The following TLK1 variants were observed in gnomAD, a reference collection of about 807,000 sequenced individuals.
TLK1 encodes serine/threonine-protein kinase tousled-like 1.
Under a neutral mutation model 105.3 loss-of-function variants are expected in TLK1, and 24 were observed. The observed-to-expected ratio is 0.23, with a 90% CI of 0.17 to 0.32. TLK1 has a LOEUF of 0.32. TLK1 is among the 10% of genes least tolerant of loss of function. The pLI is 1.00. For missense variants in TLK1, 558 were observed against 910.5 expected (o/e 0.61, Z 4.98); for synonymous variants, 321 against 310.4 (o/e 1.03, Z -0.36).
chr2:171,020,341 A>C (rs899931048), intron 12 of TLK1, among the ~76,000 whole-genome samples: 3 of 151,946 alleles, frequency 2.0e-5, no homozygotes, highest in African/African-American at 7.3e-5. Context: ...GGAGTTTGAG[A>C]CCAGCCTGGC....
At chr2:171,013,732 G>T (rs1228329258) in intron 13 of TLK1, among the ~76,000 whole-genome samples, 1 of 152,134 alleles carries the variant, frequency 6.6e-6, no homozygotes, top group Admixed American at 6.5e-5. Context: ...ACCTTTCTAA[G>T]CAAGATTTTC....
intron 2 of TLK1, among the ~76,000 whole-genome samples, chr2:171,111,323 A>G (rs1575602875): frequency 6.6e-6 from 1 of 152,224 alleles, no homozygotes; most frequent in East Asian, 1.9e-4. Context: ...CTGTAATTCC[A>G]TCACTTTGGG....
intron 19 of TLK1, 51 bp downstream of exon 19, chr2:170,997,661 T>C (rs1036620983): frequency 2.7e-5 from 34 of 1,244,760 alleles, no homozygotes; most frequent in Non-Finnish European, 3.7e-5. Flanking sequence ...GAAGGAAAAA[T>C]TCAACTTAAT....
At position 171,140,546 on chromosome 2, in the gene TLK1, T is replaced by C. The variant is rs1460688434; in HGVS notation, c.139+19744A>G. Among the ~76,000 whole-genome samples, 3 of 152,264 alleles carry C rather than the reference T, an allele frequency of 2.0e-5. No homozygotes were observed. The East Asian group carries it at 5.8e-4, about 29-fold the overall frequency. The stretch of plus-strand genomic sequence containing the variant: ...CCCTGAGCCTCCCCCAAACTCTGGG[T>C]TGGGATCTCAACCTCAGAGCAAAAG... On this transcript the variant is annotated intron_variant, in intron 1 of 20. Transcript: ENST00000431350.
chr2:171,223,981 T>G (rs1197104132), intron 1 of TLK1, among the ~76,000 whole-genome samples: 1 of 152,314 alleles, frequency 6.6e-6, no homozygotes, highest in Admixed American at 6.5e-5. Flanking sequence ...TATTTTTGCT[T>G]TTGTTGCCTG....
chr2:171,228,579 A>G (rs1461438362), intron 1 of TLK1, among the ~76,000 whole-genome samples: 1 of 152,246 alleles, frequency 6.6e-6, no homozygotes, highest in African/African-American at 2.4e-5. Context: ...AATAATATTT[A>G]GAACTCTTTT....
intron 12 of TLK1, among the ~76,000 whole-genome samples, chr2:171,028,031 C>T (rs187880378): frequency 3.9e-5 from 6 of 152,160 alleles, no homozygotes; most frequent in African/African-American, 9.6e-5. Context: ...GATGTGGTGG[C>T]GCATGCCTGT....
intron 3 of TLK1, among the ~76,000 whole-genome samples, chr2:171,065,541 CTTT>C (rs34975890): frequency 7.8e-5 from 11 of 140,292 alleles, no homozygotes; most frequent in Non-Finnish European, 7.9e-5. Flanking sequence ...GCTATTCTTT[CTTT>C]TTTTTTTTTT....
intron 2 of TLK1, among the ~76,000 whole-genome samples, chr2:171,100,721 G>C (rs1402415534): frequency 6.6e-6 from 1 of 152,196 alleles, no homozygotes; most frequent in Non-Finnish European, 1.5e-5. Flanking sequence ...TGCATTGCTG[G>C]TAGGAATATA....
At chr2:171,166,779 C>A (rs1692617372) in intron 1 of TLK1, among the ~76,000 whole-genome samples, 1 of 152,164 alleles carries the variant, frequency 6.6e-6, no homozygotes, top group Non-Finnish European at 1.5e-5. Flanking sequence ...ACAAGAATGT[C>A]CGCGGCACTA....
chr2:171,000,228 A>T (rs1049361985), intron 18 of TLK1, among the ~76,000 whole-genome samples: 3 of 152,024 alleles, frequency 2.0e-5, no homozygotes, highest in African/African-American at 7.3e-5. Flanking sequence ...ATACAAAAAA[A>T]TTAGCCAGGC....
chr2:171,207,473 A>C (rs2105323459), intron 1 of TLK1, among the ~76,000 whole-genome samples: 1 of 152,344 alleles, frequency 6.6e-6, no homozygotes, highest in East Asian at 1.9e-4. Context: ...TCAAACCCAT[A>C]GAATGTACAA....
chr2:171,027,309 T>C (rs1437161576), intron 12 of TLK1, among the ~76,000 whole-genome samples: 7 of 152,036 alleles, frequency 4.6e-5, no homozygotes, highest in Admixed American at 3.9e-4. Context: ...GCACAAAAAA[T>C]TGGGTCAAAG....
At chr2:171,208,887 T>G (rs1267229886) in intron 1 of TLK1, among the ~76,000 whole-genome samples, 1 of 152,224 alleles carries the variant, frequency 6.6e-6, no homozygotes, top group Non-Finnish European at 1.5e-5. Flanking sequence ...TTCTAGGAAT[T>G]TATCTTAGCA....
At chr2:171,077,069 G>A (rs921402057) in intron 3 of TLK1, among the ~76,000 whole-genome samples, 7 of 152,100 alleles carry the variant, frequency 4.6e-5, no homozygotes, top group African/African-American at 1.7e-4. Flanking sequence ...TTAAATAAAG[G>A]ATGAGTGGCC....
chr2:171,087,353 C>G (rs187603387), intron 2 of TLK1, among the ~76,000 whole-genome samples: 95 of 152,174 alleles, frequency 6.2e-4, no homozygotes, highest in Non-Finnish European at 1.9e-4. Flanking sequence ...AAATTTCACT[C>G]TCTAAAATAG....
intron 1 of TLK1, among the ~76,000 whole-genome samples, chr2:171,120,450 A>G (rs1232527898): frequency 1.3e-5 from 2 of 151,244 alleles, no homozygotes; most frequent in Non-Finnish European, 2.9e-5. Context: ...ACTCAATAAC[A>G]AAAAAAACCC....
chr2:171,173,209 C>T (rs1321831749), intron 1 of TLK1, among the ~76,000 whole-genome samples: 2 of 152,308 alleles, frequency 1.3e-5, no homozygotes, highest in African/African-American at 2.4e-5. Flanking sequence ...AACTTGTATG[C>T]TCACTATTAT....
chr2:171,055,173 CT>C lies in TLK1; in HGVS notation c.550-2del. ...TAGGAGAAGGGCTATTCGGTCGAAC[CT>C]AAAGAAATTATTAAAATTTTTATAT... On this transcript the variant is annotated splice_acceptor_variant, in intron 6 of 20. Transcript: ENST00000431350. LOFTEE classifies it high-confidence loss of function. The C allele has an allele frequency of 8.9e-7, 1 of 1,126,238 alleles. No homozygotes were observed. Among genetic ancestry groups the C allele is most frequent in the Non-Finnish European group, 1.2e-6 (1 of 841,652 alleles). The allele number at this position is 1,126,238 out of a possible 1,614,324, so 69.8% of individuals were successfully genotyped here.
Sources: allele counts gnomAD v4.1 joint callset (sites outside exome capture counted in the v4.1 genomes callset), GRCh38; gene constraint gnomAD v4.1.1; transcripts MANE v1.5; gene names NCBI Gene and HGNC (gene_info 2026-07-23, HGNC 2026-07-21).